The following ANTXR2 variants were observed in gnomAD, a reference collection of about 807,000 sequenced individuals.
ANTXR2 encodes the protein anthrax toxin receptor 2.
A neutral mutation model predicts 73.7 loss-of-function variants in ANTXR2; 44 were observed. That is an observed-to-expected ratio of 0.60 (90% CI 0.47 to 0.77). The LOEUF (loss-of-function observed/expected upper bound fraction) is 0.77. Among genes scored for constraint, ANTXR2 ranks in the 30% least tolerant of loss-of-function variants. ANTXR2 has a pLI of 0.00. For synonymous variants in ANTXR2, 217 were observed against 205.9 expected, an observed-to-expected ratio of 1.05 and a Z score of -0.46; for missense variants, 604 against 592.5, an observed-to-expected ratio of 1.02 and a Z score of -0.20.
At chr4:80,039,693 G>A (rs1209399276) in intron 7 of ANTXR2, among the ~76,000 whole-genome samples, 2 of 152,110 alleles carry the variant, frequency 1.3e-5, no homozygotes, top group African/African-American at 4.8e-5. Context: ...GTGGTAATAT[G>A]AGTTTAGCCA....
At chr4:80,015,244 A>T (rs745973742) in intron 11 of ANTXR2, among the ~76,000 whole-genome samples, 33 of 152,100 alleles carry the variant, frequency 2.2e-4, no homozygotes, top group Non-Finnish European at 4.7e-4. Context: ...CTCCAGATTT[A>T]CCTCTCGCTT....
At chr4:79,928,733 T>C (rs1727932761) in intron 16 of ANTXR2, among the ~76,000 whole-genome samples, 1 of 152,172 alleles carries the variant, frequency 6.6e-6, no homozygotes, top group Non-Finnish European at 1.5e-5. Context: ...CAATCTTTTT[T>C]ATAAATTACT....
chr4:79,997,384 G>A (rs1017519419), intron 12 of ANTXR2, among the ~76,000 whole-genome samples: 10 of 151,882 alleles, frequency 6.6e-5, no homozygotes, highest in Non-Finnish European at 1.2e-4. Flanking sequence ...GGGACCCACA[G>A]ACAATAGAGA....
rs1247723073 is a variant in ANTXR2 at position 79,933,279 on chromosome 4, G to T, written c.1429-25812C>A. Among the ~76,000 whole-genome samples, 4 of 152,094 alleles carry T rather than the reference G, an allele frequency of 2.6e-5. No individual in the cohort carries two copies. The East Asian group carries it at 7.7e-4, about 29-fold the overall frequency. Reference sequence around the variant, plus strand: ...GATTCAACTAAGTTTTAGAAAACAGGTTCTGTTCAAAAAACAGGTTCACAA... The same window carrying T: ...GATTCAACTAAGTTTTAGAAAACAGTTTCTGTTCAAAAAACAGGTTCACAA... On this transcript the variant is annotated intron_variant, in intron 16 of 16. Transcript: ENST00000403729.
chr4:79,937,105 C>G (rs1361624836), intron 16 of ANTXR2, among the ~76,000 whole-genome samples: 2 of 151,894 alleles, frequency 1.3e-5, no homozygotes, highest in East Asian at 3.9e-4. Flanking sequence ...TTTTAAAACA[C>G]TCATAAACTT....
intron 16 of ANTXR2, among the ~76,000 whole-genome samples, chr4:79,962,672 A>T (rs1729189561): frequency 6.6e-6 from 1 of 152,164 alleles, no homozygotes; most frequent in African/African-American, 2.4e-5. Context: ...ATAGAAATAC[A>T]TGGGCATTTT....
chr4:80,042,577 T>C (rs1304716881), intron 7 of ANTXR2, among the ~76,000 whole-genome samples: 1 of 152,072 alleles, frequency 6.6e-6, no homozygotes, highest in Non-Finnish European at 1.5e-5. Context: ...AGGTTTCCTT[T>C]ATCTCCCAAA....
chr4:80,018,218 T>C (rs527805932), intron 11 of ANTXR2, among the ~76,000 whole-genome samples: 57 of 152,340 alleles, frequency 3.7e-4, no homozygotes, highest in African/African-American at 1.2e-3. Context: ...TTAGAAATAA[T>C]AACCATGTGG....
intron 7 of ANTXR2, among the ~76,000 whole-genome samples, chr4:80,040,853 A>G (rs1022590674): frequency 4.6e-5 from 7 of 152,014 alleles, no homozygotes; most frequent in Non-Finnish European, 7.4e-5. Context: ...AAAAAGTAAT[A>G]TTAGTATTAA....
chr4:80,017,210 C>A (rs1007699290), intron 11 of ANTXR2, among the ~76,000 whole-genome samples: 1 of 152,232 alleles, frequency 6.6e-6, no homozygotes, highest in Admixed American at 6.5e-5. Context: ...TACTTCCATT[C>A]CAGCACACTG....
At chr4:79,923,385 A>T (rs1385504182) in intron 16 of ANTXR2, among the ~76,000 whole-genome samples, 3 of 152,128 alleles carry the variant, frequency 2.0e-5, no homozygotes, top group African/African-American at 7.2e-5. Context: ...ATTTAGTCAC[A>T]TGAATATTCA....
intron 10 of ANTXR2, among the ~76,000 whole-genome samples, chr4:80,022,829 A>G (rs1029084187): frequency 6.6e-6 from 1 of 152,168 alleles, no homozygotes; most frequent in African/African-American, 2.4e-5. Context: ...GCGAAACTGG[A>G]GTCCTGAGTT....
At position 80,054,368 on chromosome 4, in the gene ANTXR2, G is replaced by T. The variant is rs776639273; in HGVS notation, c.556-16C>A. 4.5e-6 allele frequency: 7 copies of T among 1,561,676 alleles called. No homozygotes were observed. In the East Asian group the frequency reaches 1.4e-4, roughly 31 times the overall value. The stretch of plus-strand genomic sequence containing the variant: ...TTCTTTCAAGCTTTAGAAAGAAGAG[G>T]AAGACTTAATTAAGGAGTGGCTGAC... On this transcript the variant is annotated splice_polypyrimidine_tract_variant and intron_variant, in intron 6 of 16. Coordinates refer to ENST00000403729, the MANE Select transcript of ANTXR2 (RefSeq NM_058172.6).
chr4:80,036,917 T>C (rs1345205197), intron 7 of ANTXR2, among the ~76,000 whole-genome samples: 3 of 152,180 alleles, frequency 2.0e-5, no homozygotes, highest in East Asian at 3.8e-4. Flanking sequence ...AAAATTACAA[T>C]TGCAGAACAT....
chr4:80,037,056 A>G (rs766886737), intron 7 of ANTXR2, among the ~76,000 whole-genome samples: 2 of 152,146 alleles, frequency 1.3e-5, no homozygotes, highest in African/African-American at 4.8e-5. Flanking sequence ...ACAAGGGACA[A>G]GGCTACAACT....
chr4:80,013,332 G>C (rs1008692722), intron 11 of ANTXR2, among the ~76,000 whole-genome samples: 1 of 152,158 alleles, frequency 6.6e-6, no homozygotes, highest in Middle Eastern at 3.2e-3. Flanking sequence ...TGTGAGAGAC[G>C]GGCAATAAGC....
chr4:80,055,572 G>T, intron 4 of ANTXR2, 105 bp from the exon 5 acceptor site: 1 of 923,890 alleles, frequency 1.1e-6, no homozygotes, highest in Non-Finnish European at 1.7e-6. Context: ...AAATATTACT[G>T]GCTAGCTTTT....
intron 12 of ANTXR2, among the ~76,000 whole-genome samples, chr4:79,993,760 G>GCGCGCGCGCACACA (rs71662888): frequency 2.0e-3 from 275 of 140,768 alleles, no homozygotes; most frequent in East Asian, 0.016. Context: ...ACACACACAC[G>GCGCGCGCGCACACA]CACACACACA....
chr4:79,989,053 T>G (rs1560948688), intron 12 of ANTXR2, among the ~76,000 whole-genome samples: 1 of 151,908 alleles, frequency 6.6e-6, no homozygotes, highest in Non-Finnish European at 1.5e-5. Context: ...TAGGAAGATC[T>G]CAAATTAACA....
Sources: allele counts gnomAD v4.1 joint callset (sites outside exome capture counted in the v4.1 genomes callset), GRCh38; gene constraint gnomAD v4.1.1; transcripts MANE v1.5; gene names NCBI Gene and HGNC (gene_info 2026-07-23, HGNC 2026-07-21).